Variants in NCKAP5 observed in about 807,000 individuals in gnomAD.
NCKAP5 encodes nck-associated protein 5.
NCKAP5 carries 92 observed loss-of-function variants against 167.0 expected under a neutral mutation model. That is an observed-to-expected ratio of 0.55 (90% confidence interval 0.47 to 0.66). The LOEUF (loss-of-function observed/expected upper bound fraction) is 0.66. NCKAP5 is among the 30% of genes least tolerant of loss of function. The pLI is 0.00. For synonymous variants in NCKAP5, 891 were observed against 877.4 expected (o/e 1.02, Z -0.27); for missense variants, 2,378 against 2,315.0 (o/e 1.03, Z -0.56).
At position 133,517,585 on chromosome 2, in the gene NCKAP5, T is replaced by C. The variant is rs1324453610; in HGVS notation, c.-59A>G. 1.7e-6 allele frequency: 2 copies of C among 1,190,576 alleles called. No individual in the cohort carries two copies. Among genetic ancestry groups the C allele is most frequent in the East Asian group, 5.2e-5 (2 of 38,336 alleles). The allele number at this position is 1,190,576 out of a possible 1,614,324, so 73.8% of individuals were successfully genotyped here. The stretch of plus-strand genomic sequence containing the variant: ...AAGAATCCCCCGTCTGTTTCCAGGG[T>C]CACTGAAAAGAGTGAACATGTGTTT... On this transcript the variant is annotated splice_region_variant and 5_prime_UTR_variant, in exon 3 of 20. Coordinates refer to ENST00000409261, the MANE Select transcript of NCKAP5 (RefSeq NM_207363.3).
At chr2:133,319,296 C>A (rs1261552100) in intron 3 of NCKAP5, among the ~76,000 whole-genome samples, 1 of 152,054 alleles carries the variant, frequency 6.6e-6, no homozygotes, top group Non-Finnish European at 1.5e-5. Context: ...GGAAATCAGA[C>A]CTTGCATCAG....
intron 14 of NCKAP5, 81 bp downstream of exon 14, chr2:132,781,859 T>C: frequency 7.3e-7 from 1 of 1,368,496 alleles, no homozygotes; most frequent in Non-Finnish European, 1.0e-6. Context: ...GACTGGCCTT[T>C]AATGCACAGG....
chr2:133,132,507 AC>A (rs2082641413), intron 5 of NCKAP5, among the ~76,000 whole-genome samples: 1 of 150,028 alleles, frequency 6.7e-6, no homozygotes, highest in Non-Finnish European at 1.5e-5. Flanking sequence ...ACACACACAC[AC>A]ACACACACAA....
chr2:132,699,232 C>A (rs779931160), intron 19 of NCKAP5, among the ~76,000 whole-genome samples: 2 of 152,192 alleles, frequency 1.3e-5, no homozygotes, highest in Non-Finnish European at 2.9e-5. Flanking sequence ...AATCCTGATT[C>A]TAAGTGTAAA....
intron 3 of NCKAP5, among the ~76,000 whole-genome samples, chr2:133,485,941 A>C (rs1448264785): frequency 6.6e-6 from 1 of 152,172 alleles, no homozygotes; most frequent in Non-Finnish European, 1.5e-5. Flanking sequence ...GTATTGTATC[A>C]CATGCCCATC....
intron 18 of NCKAP5, among the ~76,000 whole-genome samples, chr2:132,727,756 G>A (rs962910306): frequency 2.0e-5 from 3 of 152,252 alleles, no homozygotes; most frequent in Non-Finnish European, 2.9e-5. Context: ...AACTTTCCCC[G>A]GGACCCTGAA....
At chr2:133,232,531 A>C (rs2087200130) in intron 4 of NCKAP5, among the ~76,000 whole-genome samples, 1 of 152,198 alleles carries the variant, frequency 6.6e-6, no homozygotes. Flanking sequence ...ACCCAGCAAC[A>C]AACAGGGACT....
intron 16 of NCKAP5, among the ~76,000 whole-genome samples, chr2:132,741,635 G>A (rs951705978): frequency 6.6e-5 from 10 of 151,944 alleles, no homozygotes; most frequent in Middle Eastern, 3.2e-3. Context: ...ATCAAGTCTT[G>A]TCCTCCTTGG....
chr2:132,967,531 T>C (rs2076708751), intron 7 of NCKAP5, among the ~76,000 whole-genome samples: 1 of 152,154 alleles, frequency 6.6e-6, no homozygotes. Flanking sequence ...GAAATCAGTT[T>C]GATTATAATA....
the NCKAP5 span, among the ~76,000 whole-genome samples, chr2:133,650,002 A>G: frequency 4.1e-4 from 63 of 152,332 alleles, no homozygotes; most frequent in African/African-American, 1.5e-3. Context: ...GTTAAAACTA[A>G]TAAATGAATT....
At chr2:132,972,689 G>A (rs1055065213) in intron 7 of NCKAP5, among the ~76,000 whole-genome samples, 2 of 151,690 alleles carry the variant, frequency 1.3e-5, no homozygotes, top group African/African-American at 4.8e-5. Context: ...GTGAAACCCC[G>A]TCTCTACTAA....
At chr2:132,726,450 T>C (rs1018129064) in intron 18 of NCKAP5, among the ~76,000 whole-genome samples, 1 of 152,194 alleles carries the variant, frequency 6.6e-6, no homozygotes, top group African/African-American at 2.4e-5. Context: ...TGACGCTGTA[T>C]GAACAGTATT....
chr2:133,664,837 C>T, the NCKAP5 span, among the ~76,000 whole-genome samples: 1 of 152,220 alleles, frequency 6.6e-6, no homozygotes, highest in African/African-American at 2.4e-5. Flanking sequence ...CACCACCTAT[C>T]TTAGCTAGAT....
At position 133,143,062 on chromosome 2, in the gene NCKAP5, C is replaced by A. The variant is rs1311872066; in HGVS notation, c.208-12951G>T. On this transcript the variant is annotated intron_variant, in intron 5 of 19. Coordinates refer to ENST00000409261, the MANE Select transcript of NCKAP5 (RefSeq NM_207363.3). ...AAAGCCCTTCTAGAAAATTTTGCCT[C>A]CTTCTTCAGAAGACAACAATATTAA... Among the ~76,000 whole-genome samples the A allele has an allele frequency of 7.9e-5, 12 of 152,016 alleles. No homozygotes were observed. The East Asian group carries it at 1.9e-3, about 25-fold the overall frequency.
chr2:133,589,928 T>C, the NCKAP5 span, among the ~76,000 whole-genome samples: 91 of 152,350 alleles, frequency 6.0e-4, 1 homozygote, highest in African/African-American at 2.0e-3. Flanking sequence ...CTCTCCCAGT[T>C]GCCTGAAAGC....
intron 19 of NCKAP5, 82 bp downstream of exon 19, chr2:132,725,545 G>A: frequency 6.9e-7 from 1 of 1,452,458 alleles, no homozygotes; most frequent in South Asian, 1.4e-5. Context: ...AAAGAGGGTG[G>A]GGGCCGAGCA....
At chr2:133,586,865 C>T in the NCKAP5 span, among the ~76,000 whole-genome samples, 111 of 151,732 alleles carry the variant, frequency 7.3e-4, no homozygotes, top group East Asian at 0.015. Context: ...GTGGGGACTA[C>T]GATGAACTGG....
At chr2:133,150,538 C>G (rs1028222698) in intron 5 of NCKAP5, among the ~76,000 whole-genome samples, 1 of 152,130 alleles carries the variant, frequency 6.6e-6, no homozygotes, top group South Asian at 2.1e-4. Flanking sequence ...CACTTTCTGT[C>G]GGTGAGGGCT....
intron 5 of NCKAP5, among the ~76,000 whole-genome samples, chr2:133,178,434 A>G (rs1982108): frequency 0.35 from 49,604 of 142,426 alleles, 9,253 homozygotes; most frequent in East Asian, 0.75. Context: ...GAACCCGGGA[A>G]GTGGAAGTTG....
Sources: allele counts gnomAD v4.1 joint callset (sites outside exome capture counted in the v4.1 genomes callset), GRCh38; gene constraint gnomAD v4.1.1; transcripts MANE v1.5; gene names NCBI Gene and HGNC (gene_info 2026-07-23, HGNC 2026-07-21).